MGAT4C: variants seen among roughly 807,000 people sequenced by gnomAD.
The protein encoded by MGAT4C is MGAT4 family member C.
MGAT4C carries 19 observed loss-of-function variants against 40.1 expected under a neutral mutation model. The ratio of observed to expected loss-of-function variants is 0.47; its 90% CI spans 0.33 to 0.70. The LOEUF is 0.70. Ranked by LOEUF, MGAT4C falls within the 30% of genes least tolerant of loss-of-function variation. The pLI is 0.02. For missense variants in MGAT4C, 491 were observed against 563.2 expected (o/e 0.87, Z 1.30); for synonymous variants, 181 against 187.1 (o/e 0.97, Z 0.27).
intron 4 of MGAT4C, among the ~76,000 whole-genome samples, chr12:86,287,940 G>A (rs1566260412): frequency 6.6e-6 from 1 of 152,126 alleles, no homozygotes; most frequent in Non-Finnish European, 1.5e-5. Context: ...CTTCCACAAT[G>A]GTTGAACTAA....
chr12:86,514,067 A>AACACACACACAC (rs71078908), intron 2 of MGAT4C, among the ~76,000 whole-genome samples: 22 of 134,022 alleles, frequency 1.6e-4, no homozygotes, highest in East Asian at 1.4e-3. Context: ...GCCATGCACC[A>AACACACACACAC]ACACACACAC....
chr12:86,062,748 T>C (rs1367342699), intron 1 of MGAT4C, among the ~76,000 whole-genome samples: 3 of 151,396 alleles, frequency 2.0e-5, no homozygotes, highest in Non-Finnish European at 2.9e-5. Context: ...AATAGCCAAA[T>C]TGATCAAGCA....
chr12:86,408,514 T>TATATATATATATATATATATATATATA (rs1956533603), intron 3 of MGAT4C, among the ~76,000 whole-genome samples: 1 of 138,714 alleles, frequency 7.2e-6, no homozygotes, highest in African/African-American at 2.7e-5. Context: ...TATATATATA[T>TATATATATATATATATATATATATATA]TCTTGCATAT....
rs1962718007 is a variant in MGAT4C at position 86,623,890 on chromosome 12, A to C, written c.-229+103319T>G. On this transcript the variant is annotated intron_variant, in intron 2 of 7. Transcript: ENST00000548651. ...GCTATGTGAAACATTGAAAATCAGC[A>C]GTCTTTCAATCATTGTAGCTTTGAA... Among the ~76,000 whole-genome samples, 4 of 152,184 alleles carry C rather than the reference A, an allele frequency of 2.6e-5. No individual in the cohort carries two copies. In the South Asian group the frequency reaches 6.2e-4, roughly 24 times the overall value.
At chr12:86,401,941 G>A (rs1392358662) in intron 3 of MGAT4C, among the ~76,000 whole-genome samples, 8 of 152,060 alleles carry the variant, frequency 5.3e-5, no homozygotes, top group South Asian at 4.2e-4. Flanking sequence ...TTGTACAAGC[G>A]CTTACAAACA....
At chr12:86,472,221 T>C (rs1446371168) in intron 2 of MGAT4C, among the ~76,000 whole-genome samples, 1 of 152,208 alleles carries the variant, frequency 6.6e-6, no homozygotes, top group African/African-American at 2.4e-5. Flanking sequence ...CTCCAGCGAC[T>C]GTAGGCCATT....
chr12:86,565,371 A>G (rs1960047130), intron 2 of MGAT4C, among the ~76,000 whole-genome samples: 1 of 152,192 alleles, frequency 6.6e-6, no homozygotes, highest in Non-Finnish European at 1.5e-5. Context: ...CAGTTGACAG[A>G]GGAAGGAAAG....
chr12:86,202,655 T>C (rs147520041), intron 1 of MGAT4C, among the ~76,000 whole-genome samples: 12 of 152,208 alleles, frequency 7.9e-5, no homozygotes, highest in African/African-American at 2.6e-4. Context: ...TATTTTCCTA[T>C]ATATTACTAG....
At chr12:86,477,569 TA>T (rs907403189) in intron 2 of MGAT4C, among the ~76,000 whole-genome samples, 25 of 151,976 alleles carry the variant, frequency 1.6e-4, no homozygotes, top group African/African-American at 4.3e-4. Context: ...AAAACGCAGA[TA>T]AAAAAATGTC....
At chr12:86,282,949 T>A (rs1953257107) in intron 4 of MGAT4C, among the ~76,000 whole-genome samples, 2 of 152,130 alleles carry the variant, frequency 1.3e-5, no homozygotes, top group Non-Finnish European at 2.9e-5. Flanking sequence ...AAACTTTAGA[T>A]CAAAGCTACT....
chr12:86,058,695 G>T (rs540170078), intron 1 of MGAT4C, among the ~76,000 whole-genome samples: 1 of 152,142 alleles, frequency 6.6e-6, no homozygotes, highest in East Asian at 1.9e-4. Context: ...ATATAGTGTA[G>T]AAAAATGTCT....
chr12:86,756,891 G>A (rs1951313984), intron 1 of MGAT4C, among the ~76,000 whole-genome samples: 1 of 151,442 alleles, frequency 6.6e-6, no homozygotes, highest in Admixed American at 6.6e-5. Flanking sequence ...GTTTCCAATG[G>A]GAAAAAACAT....
chr12:86,070,089 A>AT (rs369712667), intron 1 of MGAT4C, among the ~76,000 whole-genome samples: 11,322 of 142,350 alleles, frequency 0.08, 608 homozygotes, highest in African/African-American at 0.16. Flanking sequence ...TTTGCATTGG[A>AT]TTTTTTTTTT....
chr12:86,337,908 G>T (rs947672570), intron 3 of MGAT4C, among the ~76,000 whole-genome samples: 5 of 152,112 alleles, frequency 3.3e-5, no homozygotes, highest in African/African-American at 1.2e-4. Flanking sequence ...TTTTATAAGA[G>T]AATTGTTTAA....
intron 2 of MGAT4C, among the ~76,000 whole-genome samples, chr12:86,587,092 C>T (rs1217841351): frequency 1.3e-5 from 2 of 151,974 alleles, no homozygotes; most frequent in Non-Finnish European, 2.9e-5. Flanking sequence ...TTAGGTCTAA[C>T]ATTTAAGTCT....
chr12:86,741,525 T>C (rs1205838994), intron 1 of MGAT4C, among the ~76,000 whole-genome samples: 1 of 151,414 alleles, frequency 6.6e-6, no homozygotes, highest in Non-Finnish European at 1.5e-5. Context: ...GTGTTTTGTT[T>C]GGTGGCATTT....
rs558187112 is a variant in MGAT4C at position 86,345,382 on chromosome 12, G to A, written c.-119-11255C>T. ...GTTGGTGTGCTGTACCCATTAACTC[G>A]TCATTTAGCATTAGGTACATCTCCT... On this transcript the variant is annotated intron_variant, in intron 3 of 7. Coordinates refer to the MGAT4C transcript ENST00000548651. Among the ~76,000 whole-genome samples, 175 of 151,760 alleles carry A rather than the reference G, an allele frequency of 1.2e-3. 1 individual carries two copies. Among genetic ancestry groups the A allele is most frequent in the African/African-American group, 4.1e-3 (170 of 41,358 alleles).
intron 1 of MGAT4C, among the ~76,000 whole-genome samples, chr12:86,162,724 T>C (rs1885738298): frequency 1.3e-5 from 2 of 152,320 alleles, no homozygotes; most frequent in South Asian, 2.1e-4. Context: ...ACAGCAAATA[T>C]ATCATTAGCA....
rs1035657173 is a variant in MGAT4C, at chr12:86,451,909, C to T, written c.-228-16644G>A. ...AAACTTTCAATATTCTATTTTTCAGCATGTATTAATCATAATTGTTTAAAA... is the reference window on the plus strand; with the variant it reads ...AAACTTTCAATATTCTATTTTTCAGTATGTATTAATCATAATTGTTTAAAA... On this transcript the variant is annotated intron_variant, in intron 2 of 7. Coordinates refer to the MGAT4C transcript ENST00000548651. Among the ~76,000 whole-genome samples the T allele has an allele frequency of 5.3e-5, 8 of 152,198 alleles. 1 individual carries two copies. In the Middle Eastern group the frequency reaches 0.01, roughly 194 times the overall value.
Sources: gnomAD v4.1 joint callset for allele counts (sites outside exome capture counted in the v4.1 genomes callset) on GRCh38, gnomAD v4.1.1 for gene constraint, MANE v1.5 for transcripts, NCBI Gene and HGNC (gene_info 2026-07-23, HGNC 2026-07-21) for gene names.